KRTAP9-4: variants seen among roughly 807,000 people sequenced by gnomAD.
The protein encoded by KRTAP9-4 is keratin associated protein 9-4.
A neutral mutation model predicts 12.7 loss-of-function variants in KRTAP9-4; 8 were observed. That is an observed-to-expected ratio of 0.63 (90% CI 0.37 to 1.14). The LOEUF (loss-of-function observed/expected upper bound fraction) is 1.14, where lower values mean the gene tolerates loss of function less well. Ranked by LOEUF, KRTAP9-4 falls within the 50% of genes most tolerant of loss-of-function variation. The pLI, the probability that KRTAP9-4 is intolerant of heterozygous loss-of-function variation, is 0.01. For missense variants in KRTAP9-4, 188 were observed against 189.1 expected, an observed-to-expected ratio of 0.99 and a Z score of 0.03; for synonymous variants, 81 against 67.3, an observed-to-expected ratio of 1.20 and a Z score of -1.00.
Position 41,250,425 on chromosome 17 carries a change from G to A in KRTAP9-4, c.*240G>A. ...GCCAGCTTCGTGTGTTCTCAATTTT[G>A]AGTCATGGTCTCAGCTTTGACTCAA... On this transcript the variant is annotated 3_prime_UTR_variant, in exon 1 of 1. Transcript: ENST00000334109. 2.9e-6 allele frequency: 2 copies of A among 700,446 alleles called. No individual in the cohort carries two copies. Among genetic ancestry groups the A allele is most frequent in the African/African-American group, 1.8e-5 (1 of 55,776 alleles). The allele number at this position is 700,446 out of a possible 1,614,324, so 43.4% of individuals were successfully genotyped here.
In KRTAP9-4 at chr17:41,249,901, T is replaced by G. The variant is rs746500922; in HGVS notation, c.181T>G (p.Cys61Gly). The G allele has an allele frequency of 1.2e-6, 2 of 1,612,936 alleles. No homozygotes were observed. Among genetic ancestry groups the G allele is most frequent in the South Asian group, 2.2e-5 (2 of 91,022 alleles). Residue 61 changes from cysteine to glycine, a missense_variant, in exon 1 of 1, where the codon TGC (cysteine) becomes GGC (glycine). Coordinates refer to ENST00000334109, the MANE Select transcript of KRTAP9-4 (RefSeq NM_033191.3). The part of the protein sequence containing the change: ...CCRPTCCQNT[C>G]CQPTCVTSCC... ...CCGCCCAACTTGCTGTCAAAACACC[T>G]GCTGCCAGCCCACCTGTGTGACCAG...
In KRTAP9-4 at chr17:41,250,284, G is replaced by C. The variant is rs2016207491; in HGVS notation, c.*99G>C. On this transcript the variant is annotated 3_prime_UTR_variant, in exon 1 of 1. Transcript: ENST00000334109. Reference sequence around the variant, plus strand: ...TTAATTTGCTGCTGACAGCCACCATGCTCTCACCCAAATTTTTATGAATTC... The same window carrying C: ...TTAATTTGCTGCTGACAGCCACCATCCTCTCACCCAAATTTTTATGAATTC... 3 of 1,410,850 alleles carry C rather than the reference G, an allele frequency of 2.1e-6. No homozygotes were observed. Among genetic ancestry groups the C allele is most frequent in the Middle Eastern group, 1.9e-4 (1 of 5,366 alleles). The allele number at this position is 1,410,850 out of a possible 1,614,324, so 87.4% of individuals were successfully genotyped here. A position where few individuals can be genotyped will look rare whatever the true frequency, so the allele number is the denominator to read the frequency against.
rs974883880 is a variant in KRTAP9-4 at position 41,250,215 on chromosome 17, A to C, written c.*30A>C. 3.1e-6 allele frequency: 5 copies of C among 1,612,856 alleles called. No homozygotes were observed. The highest frequency in any genetic ancestry group is 2.2e-5 in the East Asian group (1 of 44,878). On this transcript the variant is annotated 3_prime_UTR_variant, in exon 1 of 1. Coordinates refer to ENST00000334109, the MANE Select transcript of KRTAP9-4 (RefSeq NM_033191.3). ...GTCCCAAGAGAACCACCATCCTCAC[A>C]CAACAACTTTCTGCTCAACTGACTT...
chr17:41,250,254 C>T lies in KRTAP9-4; in HGVS notation c.*69C>T, dbSNP rs1263535819. 3.1e-6 allele frequency: 5 copies of T among 1,591,186 alleles called. No homozygotes were observed. In the Admixed American group the frequency reaches 5.1e-5, roughly 16 times the overall value. ...CTCAACTGACTTATCTTTTGGGGGA[C>T]TAATTTAATTTGCTGCTGACAGCCA... On this transcript the variant is annotated 3_prime_UTR_variant, in exon 1 of 1. Transcript: ENST00000334109.
Position 41,250,056 on chromosome 17 carries a change from C to T in KRTAP9-4, c.336C>T (p.Cys112=). Residue 112 remains cysteine (C), a synonymous_variant, in exon 1 of 1, where the codon TGC becomes TGT. Transcript: ENST00000334109. ...CCTGCTACTACCCCACAACTGTCTG[C>T]CTGCCTGGTTGCCTAAACCAGAGCT... is the stretch of plus-strand genomic sequence containing the variant. ...RRTCYYPTTV[C]LPGCLNQSCG... 3 of 1,614,134 alleles carry T rather than the reference C, an allele frequency of 1.9e-6. No individual in the cohort carries two copies. The highest frequency in any genetic ancestry group is 2.2e-5 in the East Asian group (1 of 44,872).
At position 41,249,753 on chromosome 17, in the gene KRTAP9-4, T is replaced by G; in HGVS notation, c.33T>G (p.Pro11=). The G allele has an allele frequency of 1.9e-6, 3 of 1,612,140 alleles. No individual in the cohort carries two copies. Among genetic ancestry groups the G allele is most frequent in the Non-Finnish European group, 2.5e-6 (3 of 1,179,804 alleles). MTHCCSPCCQ[P]TCCRTTCCRT... ...ACTGTTGCTCCCCTTGCTGTCAGCC[T>G]ACATGCTGCAGGACCACCTGCTGCA... Residue 11 remains proline (P), a synonymous_variant, in exon 1 of 1, where the codon CCT becomes CCG. Transcript: ENST00000334109.
rs1182530624 is a variant in KRTAP9-4, at chr17:41,250,184, G to C, written c.464G>C (p.Ter155SerextTer24). Residue 155 changes from the stop codon to serine (S), a stop_lost, in exon 1 of 1, where the codon TGA becomes TCA. Coordinates refer to ENST00000334109, the MANE Select transcript of KRTAP9-4 (RefSeq NM_033191.3). ...AGCTGCTGTCAGCCTTTTTGCTGCT[G>C]ATCAAGTCCCAAGAGAACCACCATC... Reference protein sequence around the residue: ...VSSCCQPFCC* With the variant: ...VSSCCQPFCCS 1 of 1,614,110 alleles carries C rather than the reference G, an allele frequency of 6.2e-7. No individual in the cohort carries two copies. Among genetic ancestry groups the C allele is most frequent in the East Asian group, 2.2e-5 (1 of 44,908 alleles).
rs1310149456 is a variant in KRTAP9-4, at chr17:41,250,497, A to G, written c.*312A>G. 4 of 597,616 alleles carry G rather than the reference A, an allele frequency of 6.7e-6. No individual in the cohort carries two copies. Among genetic ancestry groups the G allele is most frequent in the Non-Finnish European group, 1.2e-5 (4 of 335,150 alleles). The allele number at this position is 597,616 out of a possible 1,614,324, so 37.0% of individuals were successfully genotyped here. The stretch of plus-strand genomic sequence containing the variant: ...GCTTCTAAGGAATTTAGGTTTCTGC[A>G]ACTGATCAATAATCTTTGCAATCAT... On this transcript the variant is annotated 3_prime_UTR_variant, in exon 1 of 1. Transcript: ENST00000334109.
rs76217589 is a variant in KRTAP9-4, at chr17:41,250,586, G to C, written c.*401G>C. The C allele has an allele frequency of 5.7e-6, 1 of 176,210 alleles. No individual in the cohort carries two copies. The highest frequency in any genetic ancestry group is 1.2e-5 in the Non-Finnish European group (1 of 83,416). 10.9% of individuals were successfully genotyped at this position (176,210 alleles called of 1,614,324 possible). On this transcript the variant is annotated 3_prime_UTR_variant, in exon 1 of 1. Transcript: ENST00000334109. ...CTTCTTTCTTCTTTTCATAACTTTG[G>C]GTTATGTTTCTGCTACCAGCAGAGA...
rs1453768000 is a variant in KRTAP9-4 at position 41,250,357 on chromosome 17, C to T, written c.*172C>T. 1 of 801,266 alleles carries T rather than the reference C, an allele frequency of 1.2e-6. No homozygotes were observed. The highest frequency in any genetic ancestry group is 1.7e-5 in the African/African-American group (1 of 58,432). The allele number at this position is 801,266 out of a possible 1,614,324, so 49.6% of individuals were successfully genotyped here. A position where few individuals can be genotyped will look rare whatever the true frequency, so the allele number is the denominator to read the frequency against. The stretch of plus-strand genomic sequence containing the variant: ...AATCTACTTGAGGGAGGGCAGAATA[C>T]TTCATCCTGATTCTCTTTTTCCTTA... On this transcript the variant is annotated 3_prime_UTR_variant, in exon 1 of 1. Transcript: ENST00000334109.
chr17:41,250,131 C>G lies in KRTAP9-4; in HGVS notation c.411C>G (p.Thr137=). The change falls in exon 1 of 1, where the codon ACC becomes ACG. Residue 137 remains threonine (T), a synonymous_variant. Transcript: ENST00000334109. ...GCTGCCGCCCAGCCTGCTGTGAGAC[C>G]ACTTGCTTCCAGCCCACCTGTGTGT... ...QPCCRPACCE[T]TCFQPTCVSS... 6.2e-7 allele frequency: 1 copy of G among 1,613,858 alleles called. No homozygotes were observed. Among genetic ancestry groups the G allele is most frequent in the Non-Finnish European group, 8.5e-7 (1 of 1,179,934 alleles).
rs1216032008 is a variant in KRTAP9-4, at chr17:41,250,190, G to T, written c.*5G>T. 1.9e-6 allele frequency: 3 copies of T among 1,614,176 alleles called. No individual in the cohort carries two copies. Among genetic ancestry groups the T allele is most frequent in the South Asian group, 1.1e-5 (1 of 91,084 alleles). ...TGTCAGCCTTTTTGCTGCTGATCAA[G>T]TCCCAAGAGAACCACCATCCTCACA... On this transcript the variant is annotated 3_prime_UTR_variant, in exon 1 of 1. Transcript: ENST00000334109.
the KRTAP9-4 span, chr17:41,249,846 CTG>C: frequency 6.5e-7 from 1 of 1,543,990 alleles, no homozygotes; most frequent in Non-Finnish European, 8.9e-7. Flanking sequence ...AGCCCTCCTG[CTG>C]TGTTTCCAGC....
Position 41,249,968 on chromosome 17 carries a change from C to T in KRTAP9-4, c.248C>T (p.Pro83Leu). 1.9e-6 allele frequency: 3 copies of T among 1,614,094 alleles called. No individual in the cohort carries two copies. Among genetic ancestry groups the T allele is most frequent in the Non-Finnish European group, 2.5e-6 (3 of 1,180,034 alleles). Reference sequence around the variant, plus strand: ...TGCTGCAGCACACCCTGCTGCCAGCCCACCTGCTGTGGGTCCAGCTGTGAC... The same window carrying T: ...TGCTGCAGCACACCCTGCTGCCAGCTCACCTGCTGTGGGTCCAGCTGTGAC... ...PSCCSTPCCQ[P>L]TCCGSSCDQS... The change falls in exon 1 of 1, where the codon CCC (proline) becomes CTC (leucine). Residue 83 changes from proline (P) to leucine (L), a missense_variant. Coordinates refer to ENST00000334109, the MANE Select transcript of KRTAP9-4 (RefSeq NM_033191.3).
rs1483860943 is a variant in KRTAP9-4, at chr17:41,249,687, T to C, written c.-34T>C. 7.6e-6 allele frequency: 12 copies of C among 1,574,010 alleles called. No individual in the cohort carries two copies. In the South Asian group the frequency reaches 1.4e-4, roughly 19 times the overall value. On this transcript the variant is annotated 5_prime_UTR_variant, in exon 1 of 1. Transcript: ENST00000334109. ...GTCATCAGATTCTGGGAAACTCACCTCTGAACAGAAGCCCACCCTCTACCC... is the reference window on the plus strand; with the variant it reads ...GTCATCAGATTCTGGGAAACTCACCCCTGAACAGAAGCCCACCCTCTACCC...
Position 41,249,708 on chromosome 17 carries a change from T to C in KRTAP9-4, c.-13T>C, listed in dbSNP as rs11655750. On this transcript the variant is annotated 5_prime_UTR_variant, in exon 1 of 1. Transcript: ENST00000334109. ...CACCTCTGAACAGAAGCCCACCCTC[T>C]ACCCCTGACACCATGACCCACTGTT... The C allele has an allele frequency of 0.73, 1,152,465 of 1,577,090 alleles. 424,673 individuals are homozygous for C. Among genetic ancestry groups the C allele is most frequent in the Admixed American group, 0.82 (47,967 of 58,380 alleles).
At position 41,249,698 on chromosome 17, in the gene KRTAP9-4, G is replaced by C. The variant is rs764287473; in HGVS notation, c.-23G>C. On this transcript the variant is annotated 5_prime_UTR_variant, in exon 1 of 1. Transcript: ENST00000334109. ...CTGGGAAACTCACCTCTGAACAGAAGCCCACCCTCTACCCCTGACACCATG... is the reference window on the plus strand; with the variant it reads ...CTGGGAAACTCACCTCTGAACAGAACCCCACCCTCTACCCCTGACACCATG... 5.1e-6 allele frequency: 8 copies of C among 1,581,360 alleles called. No individual in the cohort carries two copies. Among genetic ancestry groups the C allele is most frequent in the South Asian group, 2.4e-5 (2 of 84,196 alleles).
chr17:41,249,923 CCAGCTGCTGCCAGCCTTCCTGCTG>C lies in KRTAP9-4; in HGVS notation c.208_231del (p.Cys70_Ser77del). The C allele has an allele frequency of 1.9e-6, 3 of 1,612,870 alleles. No homozygotes were observed. The highest frequency in any genetic ancestry group is 2.5e-6 in the Non-Finnish European group (3 of 1,179,506). ...ACCTGCTGCCAGCCCACCTGTGTGA[CCAGCTGCTGCCAGCCTTCCTGCTG>C]CAGCACACCCTGCTGCCAGCCCACC... On this transcript the variant is annotated inframe_deletion, in exon 1 of 1. Transcript: ENST00000334109.
Position 41,250,230 on chromosome 17 carries a change from T to G in KRTAP9-4, c.*45T>G. ...CCATCCTCACACAACAACTTTCTGC[T>G]CAACTGACTTATCTTTTGGGGGACT... On this transcript the variant is annotated 3_prime_UTR_variant, in exon 1 of 1. Coordinates refer to ENST00000334109, the MANE Select transcript of KRTAP9-4 (RefSeq NM_033191.3). 2 of 1,610,054 alleles carry G rather than the reference T, an allele frequency of 1.2e-6. No homozygotes were observed. The highest frequency in any genetic ancestry group is 1.7e-6 in the Non-Finnish European group (2 of 1,176,626).
Sources: gnomAD v4.1 joint callset for allele counts on GRCh38, gnomAD v4.1.1 for gene constraint, MANE v1.5 for transcripts, NCBI Gene and HGNC (gene_info 2026-07-23, HGNC 2026-07-21) for gene names.